Variants in RALGAPA1 observed in about 807,000 individuals in gnomAD.
The protein encoded by RALGAPA1 is ral GTPase-activating protein subunit alpha-1.
RALGAPA1 carries 52 observed loss-of-function variants against 269.6 expected under a neutral mutation model. That is an observed-to-expected ratio of 0.19 (90% confidence interval 0.15 to 0.24). The LOEUF is 0.24. Among genes scored for constraint, RALGAPA1 ranks in the 10% least tolerant of loss-of-function variants. The pLI is 1.00. For synonymous variants in RALGAPA1, 817 were observed against 1,008.3 expected (o/e 0.81, Z 3.60); for missense variants, 1,917 against 3,013.9 (o/e 0.64, Z 8.52).
At chr14:35,559,261 G>T (rs1167377700) in intron 39 of RALGAPA1, among the ~76,000 whole-genome samples, 1 of 152,120 alleles carries the variant, frequency 6.6e-6, no homozygotes, top group Admixed American at 6.5e-5. Context: ...TCAATGAAAA[G>T]AATGAATGAA....
At position 35,688,755 on chromosome 14, in the gene RALGAPA1, C is replaced by T. The variant is rs936378924; in HGVS notation, c.3656G>A (p.Gly1219Asp). 21 of 1,457,356 alleles carry T rather than the reference C, an allele frequency of 1.4e-5. No homozygotes were observed. The highest frequency in any genetic ancestry group is 1.4e-5 in the Non-Finnish European group (16 of 1,112,264). 90.3% of individuals were successfully genotyped at this position (1,457,356 alleles called of 1,614,324 possible). A position where few individuals can be genotyped will look rare whatever the true frequency, so the allele number is the denominator to read the frequency against. ...PGVYRPLDTL[G>D]TASVSSKTVK... is the part of the protein sequence containing the mutation. ...TGTTTTGCTGCTTACTGATGCAGTA[C>T]CAAGTGTATCTAGAGGTCTGTACAC... is the stretch of plus-strand genomic sequence containing the variant. Residue 1219 changes from glycine to aspartate, a missense_variant, in exon 18 of 42, where the codon GGT becomes GAT. Gly to Asp is a moderately conservative substitution (Grantham distance 94). Around this residue, in one of 11 missense-constraint regions of RALGAPA1, gnomAD observed 615 missense variants for 790.0 expected, o/e 0.78. Transcript: ENST00000680220.
chr14:35,750,440 G>A, intron 9 of RALGAPA1, 42 bp downstream of exon 9: 1 of 1,515,312 alleles, frequency 6.6e-7, no homozygotes, highest in East Asian at 2.3e-5. Context: ...AATCTCAAAA[G>A]CCATTTCTAA....
chr14:35,754,425 C>T (rs2072998311), intron 7 of RALGAPA1, among the ~76,000 whole-genome samples: 1 of 152,118 alleles, frequency 6.6e-6, no homozygotes, highest in Non-Finnish European at 1.5e-5. Context: ...ACAGACACTT[C>T]ACCCAAGATA....
intron 1 of RALGAPA1, among the ~76,000 whole-genome samples, chr14:35,791,903 T>TC (rs1263267692): frequency 4.8e-5 from 1 of 20,644 alleles, no homozygotes; most frequent in Non-Finnish European, 7.0e-5. Context: ...AGACTCTGTC[T>TC]CAAAAAAAAA....
At chr14:35,548,455 A>G in intron 41 of RALGAPA1, 53 bp downstream of exon 41, 4 of 1,386,052 alleles carry the variant, frequency 2.9e-6, no homozygotes, top group African/African-American at 1.5e-5. Context: ...CTAATTTTGA[A>G]AAAAGGAAAT....
At chr14:35,767,936 G>C (rs1346361526) in intron 4 of RALGAPA1, among the ~76,000 whole-genome samples, 3 of 151,978 alleles carry the variant, frequency 2.0e-5, no homozygotes, top group African/African-American at 7.2e-5. Context: ...CATCACGTCT[G>C]GATAATTTTT....
intron 35 of RALGAPA1, among the ~76,000 whole-genome samples, chr14:35,624,412 T>C (rs911610704): frequency 1.1e-4 from 16 of 152,100 alleles, no homozygotes; most frequent in African/African-American, 3.4e-4. Context: ...GAGATCTGGA[T>C]AGGACTATAG....
At chr14:35,696,489 C>T (rs1472016541) in intron 17 of RALGAPA1, among the ~76,000 whole-genome samples, 1 of 151,396 alleles carries the variant, frequency 6.6e-6, no homozygotes, top group Non-Finnish European at 1.5e-5. Context: ...ATCATACTTA[C>T]AACAATGCAG....
At chr14:35,795,345 G>C (rs1178195507) in intron 1 of RALGAPA1, among the ~76,000 whole-genome samples, 6 of 152,038 alleles carry the variant, frequency 3.9e-5, no homozygotes, top group African/African-American at 1.4e-4. Context: ...CACACAGTGA[G>C]AATCCAGGAG....
chr14:35,584,217 A>G (rs1047141125), intron 37 of RALGAPA1, among the ~76,000 whole-genome samples: 1 of 152,120 alleles, frequency 6.6e-6, no homozygotes, highest in Non-Finnish European at 1.5e-5. Context: ...GATGGAAAGG[A>G]GGGATTAGGA....
chr14:35,762,421 A>C (rs1379795229), intron 5 of RALGAPA1, among the ~76,000 whole-genome samples: 1 of 151,940 alleles, frequency 6.6e-6, no homozygotes, highest in East Asian at 1.9e-4. Flanking sequence ...ACGCCCGGCT[A>C]ATTTTTGTAT....
chr14:35,806,412 T>G (rs763479282), intron 1 of RALGAPA1, among the ~76,000 whole-genome samples: 1 of 152,184 alleles, frequency 6.6e-6, no homozygotes, highest in African/African-American at 2.4e-5. Flanking sequence ...TTTTCTGTTT[T>G]AAGAAAACCC....
At chr14:35,738,734 G>A (rs909758440) in intron 11 of RALGAPA1, 84 bp from the exon 12 acceptor site, 15 of 1,102,536 alleles carry the variant, frequency 1.4e-5, no homozygotes, top group Non-Finnish European at 1.8e-5. Flanking sequence ...AAATGAAATT[G>A]TTAGGTCCCA....
chr14:35,770,068 A>C lies in RALGAPA1; in HGVS notation c.325+874T>G, dbSNP rs1048088871. On this transcript the variant is annotated intron_variant, in intron 4 of 41. Transcript: ENST00000680220. ...ATAAAAAGGACTATAAATAGTGAGT[A>C]AATAGGATTTACCTCAGGTATGGAA... Among the ~76,000 whole-genome samples, 4 of 152,330 alleles carry C rather than the reference A, an allele frequency of 2.6e-5. No individual in the cohort carries two copies. The South Asian group carries it at 8.3e-4, about 32-fold the overall frequency.
chr14:35,593,870 A>AATATT (rs889805875), intron 37 of RALGAPA1, among the ~76,000 whole-genome samples: 9 of 151,684 alleles, frequency 5.9e-5, no homozygotes, highest in South Asian at 4.1e-4. Context: ...AAATAAATAA[A>AATATT]ATATTATATT....
intron 37 of RALGAPA1, among the ~76,000 whole-genome samples, chr14:35,583,450 T>C (rs1330524090): frequency 1.3e-5 from 2 of 152,068 alleles, no homozygotes; most frequent in African/African-American, 4.8e-5. Flanking sequence ...AAACAGAATA[T>C]GCAAAAACTG....
chr14:35,674,762 A>C (rs2064795321), intron 22 of RALGAPA1, 53 bp from the exon 23 acceptor site: 5 of 833,358 alleles, frequency 6.0e-6, no homozygotes, highest in Non-Finnish European at 9.2e-6. Context: ...TGAACATAAA[A>C]CCCCCCAAGA....
At chr14:35,703,301 A>C (rs2067523201) in intron 16 of RALGAPA1, among the ~76,000 whole-genome samples, 1 of 152,122 alleles carries the variant, frequency 6.6e-6, no homozygotes, top group Non-Finnish European at 1.5e-5. Flanking sequence ...GGGAGACCCC[A>C]TCTCTACAAA....
chr14:35,789,929 C>T (rs2076040373), intron 1 of RALGAPA1, among the ~76,000 whole-genome samples: 2 of 152,204 alleles, frequency 1.3e-5, no homozygotes, highest in South Asian at 4.1e-4. Context: ...GCAAAGCTCA[C>T]CCTCCTGAGT....
Sources: gnomAD v4.1 joint callset for allele counts (sites outside exome capture counted in the v4.1 genomes callset) on GRCh38, gnomAD v4.1.1 for gene constraint, gnomAD v4.1.1 regional missense constraint, MANE v1.5 for transcripts, NCBI Gene and HGNC (gene_info 2026-07-23, HGNC 2026-07-21) for gene names.